The following CASP6 variants were observed in gnomAD, a reference collection of about 807,000 sequenced individuals.
The protein encoded by CASP6 is caspase-6.
CASP6 carries 20 observed loss-of-function variants against 31.8 expected under a neutral mutation model. The observed-to-expected ratio is 0.63, with a 90% CI of 0.44 to 0.91. The LOEUF (loss-of-function observed/expected upper bound fraction) is 0.91, where lower values mean the gene tolerates loss of function less well. Among genes scored for constraint, CASP6 ranks in the 40% least tolerant of loss-of-function variants. The probability of loss-of-function intolerance (pLI) is 0.00; values close to 1 mark genes in which losing one functional copy is unlikely to be tolerated. For missense variants in CASP6, 328 were observed against 361.1 expected, an observed-to-expected ratio of 0.91 and a Z score of 0.74; for synonymous variants, 130 against 127.8, an observed-to-expected ratio of 1.02 and a Z score of -0.12.
chr4:109,695,448 C>T (rs1730208343), intron 4 of CASP6, among the ~76,000 whole-genome samples: 1 of 152,132 alleles, frequency 6.6e-6, no homozygotes, highest in African/African-American at 2.4e-5. Context: ...CATTGCTGCA[C>T]TTTCACTATA....
chr4:109,688,535 G>A (rs985532156), downstream of CASP6: 2 of 152,076 alleles, frequency 1.3e-5, no homozygotes, highest in South Asian at 4.1e-4. Flanking sequence ...TTCATATGTA[G>A]ATGAAATATT....
chr4:109,696,244 T>C (rs1730235692), intron 4 of CASP6, among the ~76,000 whole-genome samples, 166 bp downstream of exon 4: 2 of 152,216 alleles, frequency 1.3e-5, no homozygotes, highest in South Asian at 4.1e-4. Context: ...GGTCTCTAAA[T>C]GTGCTGGGTA....
At chr4:109,706,618 A>G (rs1346628781), upstream of CASP6, among the ~76,000 whole-genome samples, 1 of 152,198 alleles carries the variant, frequency 6.6e-6, no homozygotes, top group African/African-American at 2.4e-5. Flanking sequence ...TGCTACAGGG[A>G]AATCTTTAGT....
downstream of CASP6, chr4:109,687,689 T>TTTG: frequency 1.3e-6 from 1 of 741,256 alleles, no homozygotes; most frequent in Non-Finnish European, 2.3e-6. Flanking sequence ...TTGTTTAATC[T>TTTG]TTGTTATTAA....
chr4:109,674,487 GTAT>G, the CASP6 span, among the ~76,000 whole-genome samples: 3 of 152,212 alleles, frequency 2.0e-5, no homozygotes, highest in Non-Finnish European at 4.4e-5. Flanking sequence ...TTTGGATGTT[GTAT>G]AAGAGTCCTA....
upstream of CASP6, among the ~76,000 whole-genome samples, chr4:109,704,519 A>T (rs900000835): frequency 1.3e-5 from 2 of 152,218 alleles, 1 homozygote; most frequent in Admixed American, 1.3e-4. Context: ...CTTCAATTCT[A>T]TGGAGGCTGA....
At position 109,688,889 on chromosome 4, in the gene CASP6, G is replaced by GTT; in HGVS notation, c.*439_*440dup. The GTT allele has an allele frequency of 6.8e-6, 1 of 146,896 alleles. No homozygotes were observed. Among genetic ancestry groups the GTT allele is most frequent in the African/African-American group, 2.5e-5 (1 of 39,654 alleles). 9.1% of individuals were successfully genotyped at this position (146,896 alleles called of 1,614,324 possible). On this transcript the variant is annotated 3_prime_UTR_variant, in exon 7 of 7. Transcript: ENST00000265164. ...ACTTTTTTTTTTTTTTTTTAAGGCA[G>GTT]TTCTCTGCTAGGCATTAAACTTTAA... is the stretch of plus-strand genomic sequence containing the variant.
At chr4:109,675,825 C>G in the CASP6 span, among the ~76,000 whole-genome samples, 1 of 152,202 alleles carries the variant, frequency 6.6e-6, no homozygotes, top group Non-Finnish European at 1.5e-5. Context: ...TGCATAAACA[C>G]TTGCTTTCTC....
chr4:109,683,027 C>G, the CASP6 span: 1 of 270,664 alleles, frequency 3.7e-6, no homozygotes, highest in Non-Finnish European at 6.9e-6. Context: ...CTCCAGAGAT[C>G]AGTCATAATG....
downstream of CASP6, among the ~76,000 whole-genome samples, chr4:109,686,934 G>A (rs141670938): frequency 4.2e-4 from 63 of 150,922 alleles, no homozygotes; most frequent in African/African-American, 1.5e-3. Context: ...TAATAAAGTG[G>A]AGATAAAAAG....
At chr4:109,690,247 A>ACAC (rs71300773) in intron 6 of CASP6, among the ~76,000 whole-genome samples, 6 of 143,398 alleles carry the variant, frequency 4.2e-5, no homozygotes, top group African/African-American at 1.1e-4. Flanking sequence ...AAAAAAAAAA[A>ACAC]ACGCACGCAC....
intron 6 of CASP6, among the ~76,000 whole-genome samples, chr4:109,690,196 TAC>T (rs60978760): frequency 8.8e-6 from 1 of 113,888 alleles, no homozygotes; most frequent in Non-Finnish European, 1.8e-5. Flanking sequence ...AAAAAAAAAA[TAC>T]ACACACACAC....
chr4:109,709,209 T>C, the CASP6 span, among the ~76,000 whole-genome samples: 1 of 152,150 alleles, frequency 6.6e-6, no homozygotes. Context: ...TCTGAGAACT[T>C]GTTAGAAATG....
chr4:109,684,988 T>C (rs1729804622), downstream of CASP6: 1 of 392,868 alleles, frequency 2.5e-6, no homozygotes, highest in East Asian at 4.2e-5. Flanking sequence ...GCCAAAAATC[T>C]CCCTTTTCTT....
chr4:109,670,170 G>A, the CASP6 span, among the ~76,000 whole-genome samples: 2 of 152,200 alleles, frequency 1.3e-5, no homozygotes, highest in African/African-American at 4.8e-5. Flanking sequence ...AAGGTATGGA[G>A]GGGAAGTGTT....
Position 109,690,965 on chromosome 4 carries a change from A to G in CASP6, c.528T>C (p.Asp176=). 1 of 1,613,638 alleles carries G rather than the reference A, an allele frequency of 6.2e-7. No individual in the cohort carries two copies. Among genetic ancestry groups the G allele is most frequent in the Non-Finnish European group, 8.5e-7 (1 of 1,179,814 alleles). ...NQHDVPVIPL[D]VVDNQTEKLD... is the part of the protein sequence containing the mutation. Reference sequence around the variant, plus strand: ...ACTTCTCTGTCTGATTATCTACTACATCCAAAGGAATGACTGGCACATCGT... The same window carrying G: ...ACTTCTCTGTCTGATTATCTACTACGTCCAAAGGAATGACTGGCACATCGT... The change falls in exon 6 of 7, where the codon GAT becomes GAC. Residue 176 remains aspartate (D), a synonymous_variant. Coordinates refer to ENST00000265164, the MANE Select transcript of CASP6 (RefSeq NM_001226.4).
the CASP6 span, among the ~76,000 whole-genome samples, chr4:109,677,799 CA>C: frequency 2.1e-5 from 2 of 94,080 alleles, no homozygotes; most frequent in Admixed American, 1.1e-4. Flanking sequence ...TATAAGGAAA[CA>C]AATTTTTTTT....
At chr4:109,698,407 TC>T in intron 1 of CASP6, 65 bp from the exon 2 acceptor site, 1 of 1,391,604 alleles carries the variant, frequency 7.2e-7, no homozygotes, top group Non-Finnish European at 1.0e-6. Context: ...TAGTAGGAAC[TC>T]CCATCCCCCT....
In CASP6 at chr4:109,694,603, T is replaced by G. The variant is rs3180479; in HGVS notation, c.405A>C (p.Glu135Asp). 6.2e-7 allele frequency: 1 copy of G among 1,612,690 alleles called. No individual in the cohort carries two copies. Among genetic ancestry groups the G allele is most frequent in the Non-Finnish European group, 8.5e-7 (1 of 1,179,416 alleles). Residue 135 changes from glutamate (E) to aspartate (D), a missense_variant, in exon 5 of 7, where the codon GAA becomes GAC. Coordinates refer to ENST00000265164, the MANE Select transcript of CASP6 (RefSeq NM_001226.4). ...TGAACAAGCCAGTTAATGTCTGAAT[T>G]TCGATTTTAGCATCATATGCATAAA... Reference protein sequence around the residue: ...NHIYAYDAKIEIQTLTGLFKG... With the variant: ...NHIYAYDAKIDIQTLTGLFKG...
Sources: allele counts gnomAD v4.1 joint callset (sites outside exome capture counted in the v4.1 genomes callset), GRCh38; gene constraint gnomAD v4.1.1; transcripts MANE v1.5; gene names NCBI Gene and HGNC (gene_info 2026-07-23, HGNC 2026-07-21).